Variants in DSE observed in about 807,000 individuals in gnomAD.
DSE encodes the protein dermatan sulfate epimerase, also known as dermatan-sulfate epimerase.
Under a neutral mutation model 84.4 loss-of-function variants are expected in DSE, and 36 were observed. That is an observed-to-expected ratio of 0.43 (90% CI 0.33 to 0.56). The LOEUF (loss-of-function observed/expected upper bound fraction) is 0.56. Ranked by LOEUF, DSE falls within the 20% of genes least tolerant of loss-of-function variation. The pLI is 0.06. For missense variants in DSE, 862 were observed against 1,169.6 expected (o/e 0.74, Z 3.84); for synonymous variants, 410 against 430.1 (o/e 0.95, Z 0.58).
chr6:116,432,745 C>A, intron 4 of DSE: 1 of 151,964 alleles, frequency 6.6e-6, no homozygotes, highest in South Asian at 2.1e-4. Flanking sequence ...ATTTTTCTTC[C>A]CTATTCCAAA....
chr6:116,416,203 C>T (rs908209220), intron 2 of DSE, among the ~76,000 whole-genome samples: 3 of 152,172 alleles, frequency 2.0e-5, no homozygotes, highest in African/African-American at 7.2e-5. Context: ...AGATTGGGAC[C>T]ACCTGGGTAA....
rs1784506123 is a variant in DSE, at chr6:116,444,061, G to A, written c.*6716G>A. 6.6e-6 allele frequency: 1 copy of A among 152,070 alleles called. No homozygotes were observed. The highest frequency in any genetic ancestry group is 1.5e-5 in the Non-Finnish European group (1 of 68,022). The allele number at this position is 152,070 out of a possible 1,614,324, so 9.4% of individuals were successfully genotyped here. ...AAACTCCTTTACTCCTCTCTTGAAG[G>A]TATTTGTTTTACTGACAAAAGAATG... On this transcript the variant is annotated 3_prime_UTR_variant, in exon 6 of 6. Coordinates refer to ENST00000644252, the MANE Select transcript of DSE (RefSeq NM_013352.4).
rs1562213592 is a variant in DSE at position 116,299,549 on chromosome 6, T to TACAC, written c.-54+40583_-54+40584insCACA. Among the ~76,000 whole-genome samples, 246 of 50,786 alleles carry TACAC rather than the reference T, an allele frequency of 4.8e-3. 9 individuals are homozygous for TACAC. The highest frequency in any genetic ancestry group is 9.4e-3 in the Middle Eastern group (1 of 106). 33.3% of individuals were successfully genotyped at this position (50,786 alleles called of 152,430 possible). ...ATATATATATATATATATATATATA[T>TACAC]ATACACATACACACACACACACACA... On this transcript the variant is annotated intron_variant, in intron 2 of 3. Coordinates refer to the DSE transcript ENST00000430252.
intron 2 of DSE, among the ~76,000 whole-genome samples, chr6:116,356,792 G>A (rs1461812413): frequency 2.0e-5 from 3 of 152,064 alleles, no homozygotes; most frequent in African/African-American, 4.8e-5. Context: ...TGTCTTTGGC[G>A]ACAGTAGCCA....
chr6:116,302,616 C>A (rs1288935682), intron 2 of DSE, among the ~76,000 whole-genome samples: 2 of 152,122 alleles, frequency 1.3e-5, no homozygotes, highest in African/African-American at 2.4e-5. Context: ...ATGATAGTTT[C>A]TTTGGCTGTG....
intron 2 of DSE, among the ~76,000 whole-genome samples, chr6:116,324,673 C>T (rs545152626): frequency 1.3e-4 from 20 of 152,268 alleles, no homozygotes; most frequent in African/African-American, 4.6e-4. Flanking sequence ...CCAGGTGACC[C>T]GGAAGTTCAT....
rs747959711 is a variant in DSE, at chr6:116,426,818, A to G, written c.661A>G (p.Met221Val). 6.2e-7 allele frequency: 1 copy of G among 1,611,088 alleles called. No homozygotes were observed. Among genetic ancestry groups the G allele is most frequent in the Non-Finnish European group, 8.5e-7 (1 of 1,177,738 alleles). The change falls in exon 3 of 6, where the codon ATG (methionine) becomes GTG (valine). Residue 221 changes from methionine to valine, a missense_variant. Met to Val is a conservative substitution (Grantham distance 21, BLOSUM62 1). This residue lies in a region of DSE where 309 missense variants were observed against 516.9 expected (regional missense o/e 0.60). Coordinates refer to ENST00000644252, the MANE Select transcript of DSE (RefSeq NM_013352.4). ...MALLTGSLVL[M>V]NQGYLQEAYL... ...TTTGCTCACGGGAAGCCTAGTCCTG[A>G]TGAATCAAGGTGGGTGTGGACACAG... is the stretch of plus-strand genomic sequence containing the variant.
Position 116,279,104 on chromosome 6 carries a change from TCA to T in DSE, c.-54+20140_-54+20141del, listed in dbSNP as rs775957625. ...TGGAAGGCCCTGTCGGCCTGAGCAT[TCA>T]CAGTGTCCAGTTCCAGCTGGATGGC... On this transcript the variant is annotated intron_variant, in intron 2 of 3. Transcript: ENST00000430252. 53 of 1,614,076 alleles carry T rather than the reference TCA, an allele frequency of 3.3e-5. No homozygotes were observed. The highest frequency in any genetic ancestry group is 6.7e-5 in the Admixed American group (4 of 60,028).
Position 116,442,682 on chromosome 6 carries a change from A to G in DSE, c.*5337A>G, listed in dbSNP as rs1784466021. On this transcript the variant is annotated 3_prime_UTR_variant, in exon 6 of 6. Transcript: ENST00000644252. ...AAGGCAAGCAGGGAGGCTATTGTGC[A>G]GGACTTTGTAGGACATGCTAAGGAA... The G allele has an allele frequency of 6.6e-6, 1 of 152,166 alleles. No individual in the cohort carries two copies. 9.4% of individuals were successfully genotyped at this position (152,166 alleles called of 1,614,324 possible).
intron 2 of DSE, among the ~76,000 whole-genome samples, chr6:116,259,714 C>T (rs1463858307): frequency 6.6e-6 from 1 of 152,180 alleles, no homozygotes; most frequent in Non-Finnish European, 1.5e-5. Context: ...CATCATTTAG[C>T]TCCCACCTAT....
chr6:116,405,996 T>C (rs1197074412), intron 2 of DSE, among the ~76,000 whole-genome samples: 1 of 152,244 alleles, frequency 6.6e-6, no homozygotes, highest in East Asian at 1.9e-4. Context: ...GTTACTCTAA[T>C]AATGCTTCTT....
Position 116,318,678 on chromosome 6 carries a change from T to C in DSE, c.-54+59711T>C, listed in dbSNP as rs146355489. On this transcript the variant is annotated intron_variant, in intron 2 of 3. Transcript: ENST00000430252. ...GTGTCTTTTTAAAAATGAAGGAAAT[T>C]AAATTTCAGCATCAAATTACCTGGC... Among the ~76,000 whole-genome samples, 107 of 152,206 alleles carry C rather than the reference T, an allele frequency of 7.0e-4. 1 individual carries two copies. The highest frequency in any genetic ancestry group is 2.5e-3 in the African/African-American group (103 of 41,534).
chr6:116,350,699 C>G (rs942442113), intron 2 of DSE, among the ~76,000 whole-genome samples: 3 of 152,096 alleles, frequency 2.0e-5, no homozygotes, highest in Non-Finnish European at 4.4e-5. Context: ...GTATATGACT[C>G]TCTAAATGTC....
chr6:116,269,138 A>C (rs1339247287), intron 2 of DSE, among the ~76,000 whole-genome samples: 1 of 152,132 alleles, frequency 6.6e-6, no homozygotes, highest in African/African-American at 2.4e-5. Flanking sequence ...TTAAAGATGC[A>C]CCCTTTGAAA....
intron 2 of DSE, among the ~76,000 whole-genome samples, chr6:116,282,534 C>A (rs918062410): frequency 6.6e-6 from 1 of 152,118 alleles, no homozygotes; most frequent in African/African-American, 2.4e-5. Flanking sequence ...GTAATTTCCC[C>A]CAAATAACGT....
At chr6:116,351,213 C>T (rs924298626) in intron 2 of DSE, among the ~76,000 whole-genome samples, 2 of 152,120 alleles carry the variant, frequency 1.3e-5, no homozygotes, top group Non-Finnish European at 2.9e-5. Flanking sequence ...ACTGAATCCC[C>T]ATCTCATGAA....
intron 2 of DSE, among the ~76,000 whole-genome samples, chr6:116,422,420 C>T (rs938405323): frequency 3.3e-5 from 5 of 152,212 alleles, no homozygotes; most frequent in African/African-American, 1.2e-4. Context: ...TCTGTGCTAA[C>T]ACCCAAATTG....
chr6:116,263,561 A>G (rs1388588568), intron 2 of DSE, among the ~76,000 whole-genome samples: 1 of 152,144 alleles, frequency 6.6e-6, no homozygotes, highest in African/African-American at 2.4e-5. Flanking sequence ...TATCCAGCTT[A>G]CCATTCTGTG....
At chr6:116,347,319 C>A (rs1173281534) in intron 2 of DSE, among the ~76,000 whole-genome samples, 4 of 152,164 alleles carry the variant, frequency 2.6e-5, no homozygotes, top group Non-Finnish European at 4.4e-5. Context: ...CCAAGACAAT[C>A]CTAAGCAAAA....
Sources: gnomAD v4.1 joint callset for allele counts (sites outside exome capture counted in the v4.1 genomes callset) on GRCh38, gnomAD v4.1.1 for gene constraint, gnomAD v4.1.1 regional missense constraint, MANE v1.5 for transcripts, NCBI Gene and HGNC (gene_info 2026-07-23, HGNC 2026-07-21) for gene names.